Variants in ZNF534 observed in about 807,000 individuals in gnomAD.
The protein encoded by ZNF534 is KRAB domain only 3.
In ZNF534, 19 loss-of-function variants were observed where a neutral mutation model predicts 13.6. The observed-to-expected ratio is 1.40, with a 90% CI of 0.97 to 2.05. The LOEUF is 2.05. ZNF534 is among the 30% of genes most tolerant of loss of function. The pLI is 0.00. For missense variants in ZNF534, 782 were observed against 796.3 expected, an observed-to-expected ratio of 0.98 and a Z score of 0.22; for synonymous variants, 244 against 273.8, an observed-to-expected ratio of 0.89 and a Z score of 1.07.
Position 52,438,516 on chromosome 19 carries a change from A to G in ZNF534, c.1056A>G (p.Arg352=), listed in dbSNP as rs1484518026. ...ATCAGACAGTTCATACTGGAGAGAG[A>G]CCATACAAATGTAATGAATGTGGCA... ...TTHQTVHTGE[R]PYKCNECGKG... is the part of the protein sequence containing the mutation. The change falls in exon 5 of 5, where the codon AGA becomes AGG. Residue 352 remains arginine (R), a synonymous_variant. Transcript: ENST00000433050. 1 of 1,585,714 alleles carries G rather than the reference A, an allele frequency of 6.3e-7. No individual in the cohort carries two copies. Among genetic ancestry groups the G allele is most frequent in the South Asian group, 1.1e-5 (1 of 88,236 alleles).
In ZNF534 at chr19:52,429,752, T is replaced by G. The variant is rs146259332; in HGVS notation, c.-68+508T>G. ...CTGGGATTACAGGCATACGCCACCA[T>G]GCCTCTCTAATTTTGTATTTTTAGT... On this transcript the variant is annotated intron_variant, in intron 1 of 4. Coordinates refer to ENST00000433050, the MANE Select transcript of ZNF534 (RefSeq NM_001143938.3). Among the ~76,000 whole-genome samples, 329 of 151,048 alleles carry G rather than the reference T, an allele frequency of 2.2e-3. 1 individual carries two copies. Among genetic ancestry groups the G allele is most frequent in the African/African-American group, 7.5e-3 (310 of 41,154 alleles).
Position 52,438,689 on chromosome 19 carries a change from A to C in ZNF534, c.1229A>C (p.Tyr410Ser), listed in dbSNP as rs1289551712. The C allele has an allele frequency of 1.3e-6, 2 of 1,581,550 alleles. No individual in the cohort carries two copies. Among genetic ancestry groups the C allele is most frequent in the South Asian group, 1.1e-5 (1 of 87,914 alleles). Reference sequence around the variant, plus strand: ...AAAATTCATACTGGGGGGAGGCGTTACAAATGTAATGAATGTGGCAAAGCA... The same window carrying C: ...AAAATTCATACTGGGGGGAGGCGTTCCAAATGTAATGAATGTGGCAAAGCA... The part of the protein sequence containing the change: ...HRKIHTGGRR[Y>S]KCNECGKAFR... Residue 410 changes from tyrosine to serine, a missense_variant, in exon 5 of 5, where the codon TAC (tyrosine) becomes TCC (serine). This residue lies in a region of ZNF534 where 591 missense variants were observed against 574.0 expected (regional missense o/e 1.03). Transcript: ENST00000433050.
chr19:52,434,502 A>T (rs2059115926), intron 3 of ZNF534, among the ~76,000 whole-genome samples: 1 of 147,432 alleles, frequency 6.8e-6, no homozygotes, highest in African/African-American at 2.5e-5. Flanking sequence ...GAAAAGCATT[A>T]TGCTTTCTGA....
rs1568444787 is a variant in ZNF534, at chr19:52,438,228, C to G, written c.768C>G (p.His256Gln). The G allele has an allele frequency of 1.9e-6, 3 of 1,613,984 alleles. No individual in the cohort carries two copies. Among genetic ancestry groups the G allele is most frequent in the Non-Finnish European group, 2.5e-6 (3 of 1,179,964 alleles). The change falls in exon 5 of 5, where the codon CAC (histidine) becomes CAG (glutamine). Residue 256 changes from histidine to glutamine, a missense_variant. Physicochemically the swap from His to Gln is conservative, Grantham distance 24. This residue lies in a region of ZNF534 where 591 missense variants were observed against 574.0 expected (regional missense o/e 1.03). Coordinates refer to ENST00000433050, the MANE Select transcript of ZNF534 (RefSeq NM_001143938.3). ...ECGKVFNQNS[H>Q]LAQHQKIHTG... ...GCAAAGTCTTCAATCAGAATTCACA[C>G]CTTGCACAACATCAGAAAATTCATA...
At chr19:52,451,685 G>A in exon 5 of ZNF534, 1 of 668,004 alleles carries the variant, frequency 1.5e-6, no homozygotes. Flanking sequence ...TGGATGTTAT[G>A]GAGAGTAGCT....
chr19:52,431,040 C>T (rs186783257), intron 1 of ZNF534, among the ~76,000 whole-genome samples: 68 of 151,480 alleles, frequency 4.5e-4, no homozygotes, highest in African/African-American at 1.5e-3. Context: ...TTAGTAGAGA[C>T]GAGGGTTTCA....
chr19:52,431,726 C>T (rs902379575), intron 2 of ZNF534, among the ~76,000 whole-genome samples: 2 of 152,216 alleles, frequency 1.3e-5, no homozygotes, highest in South Asian at 2.1e-4. Context: ...CACACCCAGA[C>T]ACGGATGGAG....
At chr19:52,446,204 A>T (rs1160476736), downstream of ZNF534, among the ~76,000 whole-genome samples, 1 of 152,178 alleles carries the variant, frequency 6.6e-6, no homozygotes, top group African/African-American at 2.4e-5. Flanking sequence ...TAACAGAAAA[A>T]GTCATCCCCC....
At chr19:52,444,963 T>C (rs2059189150), downstream of ZNF534, among the ~76,000 whole-genome samples, 1 of 152,138 alleles carries the variant, frequency 6.6e-6, no homozygotes. Flanking sequence ...CTTTCGTGCC[T>C]CCCAGCCTGT....
Position 52,451,299 on chromosome 19 carries a change from GC to G in ZNF534, c.387del (p.Ser130ArgfsTer130), listed in dbSNP as rs1237827067. ...ACTTTGTGGGAAATGACTCCCCTCT[GC>G]CCTCGCCCCTCGCTCTGCTACCATT... On this transcript the variant is annotated frameshift_variant, in exon 5 of 5. Coordinates refer to the ZNF534 transcript ENST00000301085. LOFTEE classifies it low-confidence loss of function (END_TRUNC). 1 of 1,105,286 alleles carries G rather than the reference GC, an allele frequency of 9.0e-7. No individual in the cohort carries two copies. The highest frequency in any genetic ancestry group is 1.5e-5 in the African/African-American group (1 of 64,638). 68.5% of individuals were successfully genotyped at this position (1,105,286 alleles called of 1,614,324 possible).
chr19:52,450,567 A>G (rs1324206989), intron 4 of ZNF534, among the ~76,000 whole-genome samples: 1 of 150,540 alleles, frequency 6.6e-6, no homozygotes, highest in Admixed American at 6.6e-5. Context: ...ACTTTCTAGT[A>G]TATTTTGAAG....
chr19:52,442,831 T>C (rs1173445390), downstream of ZNF534, among the ~76,000 whole-genome samples: 6 of 152,220 alleles, frequency 3.9e-5, no homozygotes, highest in Admixed American at 3.3e-4. Flanking sequence ...TTAAATATTG[T>C]CTGATTTAGA....
At chr19:52,442,899 T>G (rs2059181426), downstream of ZNF534, among the ~76,000 whole-genome samples, 1 of 152,246 alleles carries the variant, frequency 6.6e-6, no homozygotes, top group Non-Finnish European at 1.5e-5. Flanking sequence ...GCAGTCACGC[T>G]TATTCTTTTC....
At chr19:52,433,864 G>C (rs1312019247) in intron 2 of ZNF534, 91 bp from the exon 3 acceptor site, 2 of 1,475,442 alleles carry the variant, frequency 1.4e-6, no homozygotes, top group Admixed American at 3.4e-5. Context: ...GCTCGCTTCA[G>C]TGGAGTGAGT....
intron 2 of ZNF534, among the ~76,000 whole-genome samples, chr19:52,433,509 G>C (rs1162828447): frequency 1.3e-5 from 2 of 151,992 alleles, no homozygotes; most frequent in Non-Finnish European, 2.9e-5. Context: ...TGGGACTACA[G>C]ACCCCCACCA....
rs183512175 is a variant in ZNF534 at position 52,440,562 on chromosome 19, G to T, written c.*1116G>T. Among the ~76,000 whole-genome samples the T allele has an allele frequency of 2.0e-5, 3 of 152,064 alleles. No individual in the cohort carries two copies. The highest frequency in any genetic ancestry group is 1.3e-4 in the Admixed American group (2 of 15,268). ...TTGGGAGGCTGAGGCAGACGGATCA[G>T]TTGAGGTCAGGAGTTTGAGACCAGC... is the stretch of plus-strand genomic sequence containing the variant. On this transcript the variant is annotated 3_prime_UTR_variant, in exon 5 of 5. Transcript: ENST00000433050.
exon 5 of ZNF534, chr19:52,451,493 G>A: frequency 1.7e-6 from 1 of 571,718 alleles, no homozygotes; most frequent in Non-Finnish European, 3.1e-6. Context: ...CTGCCGCGGA[G>A]CTAAGACACC....
chr19:52,429,476 A>AT (rs148680205), intron 1 of ZNF534, among the ~76,000 whole-genome samples: 21,875 of 148,826 alleles, frequency 0.15, 2,084 homozygotes, highest in African/African-American at 0.28. Flanking sequence ...GCACTTTGCT[A>AT]TTTTTTTTTC....
At chr19:52,435,007 G>A in intron 3 of ZNF534, 74 bp from the exon 4 acceptor site, 1 of 1,522,520 alleles carries the variant, frequency 6.6e-7, no homozygotes, top group Non-Finnish European at 8.8e-7. Flanking sequence ...GTAATATGCT[G>A]TCTCCTACCT....
Sources: allele counts gnomAD v4.1 joint callset (sites outside exome capture counted in the v4.1 genomes callset), GRCh38; gene constraint gnomAD v4.1.1; regional missense constraint gnomAD v4.1.1; transcripts MANE v1.5; gene names NCBI Gene and HGNC (gene_info 2026-07-23, HGNC 2026-07-21).